Variants in MAP3K10 observed in about 807,000 individuals in gnomAD.
MAP3K10 encodes MKN28 derived nonreceptor_type serine/threonine kinase.
Under a neutral mutation model 75.0 loss-of-function variants are expected in MAP3K10, and 22 were observed. The observed-to-expected ratio is 0.29, with a 90% CI of 0.21 to 0.42. MAP3K10 has a LOEUF of 0.42. Among genes scored for constraint, MAP3K10 ranks in the 10% least tolerant of loss-of-function variants. The pLI is 1.00. For synonymous variants in MAP3K10, 599 were observed against 612.9 expected, an observed-to-expected ratio of 0.98 and a Z score of 0.34; for missense variants, 1,165 against 1,379.8, an observed-to-expected ratio of 0.84 and a Z score of 2.47.
rs1386068412 is a variant in MAP3K10 at position 40,191,978 on chromosome 19, A to C, written c.-54A>C. On this transcript the variant is annotated 5_prime_UTR_variant, in exon 1 of 10. Transcript: ENST00000253055. ...CCGGCCGCCGGGGCCCGCCCTCTGC[A>C]TCCCGCGGGCAGCCTGTGTGAAGCG... 1 of 1,263,282 alleles carries C rather than the reference A, an allele frequency of 7.9e-7. No homozygotes were observed. The highest frequency in any genetic ancestry group is 1.6e-5 in the African/African-American group (1 of 62,734). 78.3% of individuals were successfully genotyped at this position (1,263,282 alleles called of 1,614,324 possible). A position where few individuals can be genotyped will look rare whatever the true frequency, so the allele number is the denominator to read the frequency against.
chr19:40,191,703 C>T lies in MAP3K10; in HGVS notation c.-329C>T, dbSNP rs200824781. ...AACGGGGACTGCCTGCCGCCCTCGCCCTCGTCCCCCACCGGCGGACCCCGG... is the reference window on the plus strand; with the variant it reads ...AACGGGGACTGCCTGCCGCCCTCGCTCTCGTCCCCCACCGGCGGACCCCGG... On this transcript the variant is annotated 5_prime_UTR_variant, in exon 1 of 10. Coordinates refer to ENST00000253055, the MANE Select transcript of MAP3K10 (RefSeq NM_002446.4). The T allele has an allele frequency of 1.3e-5, 3 of 229,354 alleles. No homozygotes were observed. The highest frequency in any genetic ancestry group is 2.3e-5 in the African/African-American group (1 of 44,208). 14.2% of individuals were successfully genotyped at this position (229,354 alleles called of 1,614,324 possible). A position where few individuals can be genotyped will look rare whatever the true frequency, so the allele number is the denominator to read the frequency against.
rs749475788 is a variant in MAP3K10 at position 40,212,957 on chromosome 19, C to T, written c.1705C>T (p.Arg569Trp). The change falls in exon 7 of 10, where the codon CGG (arginine) becomes TGG (tryptophan). Residue 569 changes from arginine (R) to tryptophan (W), a missense_variant. Arg to Trp is a moderately radical substitution (Grantham distance 101). Transcript: ENST00000253055. This position sits in a 1 kb window ranked among gnomAD's most constrained non-coding sequence, Gnocchi z 4.2. ...WGPSSTLQKE[R>W]VGGEERLKGL... Reference sequence around the variant, plus strand: ...GCCCAGCTCCACCCTGCAGAAGGAGCGGGTGGGAGGAGAGGAGAGGTGAGG... The same window carrying T: ...GCCCAGCTCCACCCTGCAGAAGGAGTGGGTGGGAGGAGAGGAGAGGTGAGG... 8.7e-6 allele frequency: 14 copies of T among 1,607,102 alleles called. No homozygotes were observed. Among genetic ancestry groups the T allele is most frequent in the African/African-American group, 4.0e-5 (3 of 74,846 alleles).
Position 40,213,613 on chromosome 19 carries a change from C to A in MAP3K10, c.1934C>A (p.Ser645Tyr). 2 of 1,566,722 alleles carry A rather than the reference C, an allele frequency of 1.3e-6. No individual in the cohort carries two copies. The highest frequency in any genetic ancestry group is 2.5e-5 in the East Asian group (1 of 39,966). ...YLSVPLPAEP[S>Y]PGARAPWEPT... Reference sequence around the variant, plus strand: ...TCAGTGCCACTGCCTGCCGAGCCCTCCCCGGGGGCGCGGGCGCCGTGGGAG... The same window carrying A: ...TCAGTGCCACTGCCTGCCGAGCCCTACCCGGGGGCGCGGGCGCCGTGGGAG... The change falls in exon 9 of 10, where the codon TCC (serine) becomes TAC (tyrosine). Residue 645 changes from serine (S) to tyrosine (Y), a missense_variant. Ser to Tyr is a moderately radical substitution (Grantham distance 144, BLOSUM62 -2). Around this residue, in one of 2 missense-constraint regions of MAP3K10, gnomAD observed 590 missense variants for 586.6 expected, o/e 1.01. Coordinates refer to ENST00000253055, the MANE Select transcript of MAP3K10 (RefSeq NM_002446.4). This position sits in a 1 kb window ranked among gnomAD's most constrained non-coding sequence, Gnocchi z 5.7.
chr19:40,215,048 T>G lies in MAP3K10; in HGVS notation c.2621T>G (p.Phe874Cys). The stretch of plus-strand genomic sequence containing the variant: ...CCAGCCCGCCGCCGGCCCCCTGAGT[T>G]CCCAGGCCGCCCCACCACCCTGACC... ...LFPARRRPPEFPGRPTTLTFA... is the reference protein window; with the variant it reads ...LFPARRRPPECPGRPTTLTFA... Residue 874 changes from phenylalanine to cysteine, a missense_variant, in exon 10 of 10, where the codon TTC (phenylalanine) becomes TGC (cysteine). Physicochemically the swap from Phe to Cys is radical, Grantham distance 205 (BLOSUM62 -2). Coordinates refer to ENST00000253055, the MANE Select transcript of MAP3K10 (RefSeq NM_002446.4). 6.2e-7 allele frequency: 1 copy of G among 1,600,488 alleles called. No individual in the cohort carries two copies. Among genetic ancestry groups the G allele is most frequent in the Non-Finnish European group, 8.5e-7 (1 of 1,173,744 alleles).
rs1374579230 is a variant in MAP3K10 at position 40,192,495 on chromosome 19, C to G, written c.464C>G (p.Pro155Arg). ...CGGCTCTTTGGAGCCCTGCAGCACC[C>G]CAACATAATTGCCCTTAGGGGCGCC... ...EARLFGALQH[P>R]NIIALRGACL... The change falls in exon 1 of 10, where the codon CCC becomes CGC. Residue 155 changes from proline to arginine, a missense_variant. This residue lies in a region of MAP3K10 where 575 missense variants were observed against 793.2 expected (regional missense o/e 0.72). Transcript: ENST00000253055. This position sits in a 1 kb window ranked among gnomAD's most constrained non-coding sequence, Gnocchi z 7.1. 3.7e-6 allele frequency: 6 copies of G among 1,613,808 alleles called. No individual in the cohort carries two copies. Among genetic ancestry groups the G allele is most frequent in the Non-Finnish European group, 5.1e-6 (6 of 1,179,982 alleles).
In MAP3K10 at chr19:40,206,084, G is replaced by A. The variant is rs1433820268; in HGVS notation, c.1362G>A (p.Lys454=). The A allele has an allele frequency of 1.2e-6, 2 of 1,613,462 alleles. No homozygotes were observed. Among genetic ancestry groups the A allele is most frequent in the Admixed American group, 3.3e-5 (2 of 59,994 alleles). ...QLSQEKPRVR[K]RKGNFKRSRL... is the part of the protein sequence containing the mutation. ...GCCAGGAGAAGCCCCGGGTCCGCAA[G>A]CGCAAGGGCAACTTCAAGCGCAGCC... The change falls in exon 5 of 10, where the codon AAG becomes AAA. Residue 454 remains lysine, a synonymous_variant. Coordinates refer to ENST00000253055, the MANE Select transcript of MAP3K10 (RefSeq NM_002446.4).
At position 40,198,352 on chromosome 19, in the gene MAP3K10, C is replaced by G. The variant is rs770729250; in HGVS notation, c.683-23C>G. ...TGCGGCGTGGCAGGTCTGGGGTGACCCACCTTTCTTCCCACCCCACAGTCC... is the reference window on the plus strand; with the variant it reads ...TGCGGCGTGGCAGGTCTGGGGTGACGCACCTTTCTTCCCACCCCACAGTCC... On this transcript the variant is annotated intron_variant, in intron 1 of 9. Transcript: ENST00000253055. This position sits in a 1 kb window ranked among gnomAD's most constrained non-coding sequence, Gnocchi z 4.3. The G allele has an allele frequency of 4.4e-6, 7 of 1,596,900 alleles. No individual in the cohort carries two copies. Among genetic ancestry groups the G allele is most frequent in the Admixed American group, 1.7e-5 (1 of 59,052 alleles).
At position 40,191,871 on chromosome 19, in the gene MAP3K10, G is replaced by A. The variant is rs1972819945; in HGVS notation, c.-161G>A. On this transcript the variant is annotated 5_prime_UTR_variant, in exon 1 of 10. Transcript: ENST00000253055. ...AGGGACGAGCCTGCCCTTTGAAAGG[G>A]TTTTTTTTCTTGCTCCTGCGGAGGG... 4 of 455,840 alleles carry A rather than the reference G, an allele frequency of 8.8e-6. No homozygotes were observed. The South Asian group carries it at 2.0e-4, about 23-fold the overall frequency. 28.2% of individuals were successfully genotyped at this position (455,840 alleles called of 1,614,324 possible). A position where few individuals can be genotyped will look rare whatever the true frequency, so the allele number is the denominator to read the frequency against.
intron 5 of MAP3K10, among the ~76,000 whole-genome samples, chr19:40,208,133 C>T (rs987791717): frequency 6.6e-6 from 1 of 151,954 alleles, no homozygotes; most frequent in Non-Finnish European, 1.5e-5. Flanking sequence ...TTCCAATAAC[C>T]AAATGGAGTA....
intron 2 of MAP3K10, among the ~76,000 whole-genome samples, chr19:40,203,378 T>C (rs1283198778): frequency 6.6e-6 from 1 of 150,650 alleles, no homozygotes; most frequent in Non-Finnish European, 1.5e-5. Context: ...GAGTGGATAG[T>C]GGGGAGACCA....
Position 40,205,730 on chromosome 19 carries a change from C to A in MAP3K10, c.1189-181C>A, listed in dbSNP as rs1973107545. 3.3e-6 allele frequency: 2 copies of A among 614,956 alleles called. No homozygotes were observed. Among genetic ancestry groups the A allele is most frequent in the African/African-American group, 1.9e-5 (1 of 53,888 alleles). The allele number at this position is 614,956 out of a possible 1,614,324, so 38.1% of individuals were successfully genotyped here. A position where few individuals can be genotyped will look rare whatever the true frequency, so the allele number is the denominator to read the frequency against. Reference sequence around the variant, plus strand: ...AAAAGCACCCCTTTCTTTGAGCTAACACAGTTCCCTGCCCTGGCACCCAGC... The same window carrying A: ...AAAAGCACCCCTTTCTTTGAGCTAAAACAGTTCCCTGCCCTGGCACCCAGC... On this transcript the variant is annotated intron_variant, in intron 4 of 9. Transcript: ENST00000253055. This position sits in a 1 kb window ranked among gnomAD's most constrained non-coding sequence, Gnocchi z 4.3.
chr19:40,213,684 C>T lies in MAP3K10; in HGVS notation c.2005C>T (p.Arg669Trp), dbSNP rs935462851. ...CGCTCGGTGGGGACACGGCGCCCGG[C>T]GGCGCTGCGACCTGGCGCTGCTAGG... is the stretch of plus-strand genomic sequence containing the variant. The part of the protein sequence containing the change: ...PPARWGHGAR[R>W]RCDLALLGCA... Residue 669 changes from arginine (R) to tryptophan (W), a missense_variant, in exon 9 of 10, where the codon CGG becomes TGG. Coordinates refer to ENST00000253055, the MANE Select transcript of MAP3K10 (RefSeq NM_002446.4). The surrounding 1 kb of genome is among the most constrained non-coding windows in gnomAD (Gnocchi z 5.7). 1.9e-5 allele frequency: 21 copies of T among 1,100,956 alleles called. No individual in the cohort carries two copies. Among genetic ancestry groups the T allele is most frequent in the African/African-American group, 1.7e-5 (1 of 58,508 alleles). 68.2% of individuals were successfully genotyped at this position (1,100,956 alleles called of 1,614,324 possible).
At chr19:40,209,476 A>G (rs1018673301) in intron 6 of MAP3K10, among the ~76,000 whole-genome samples, 2 of 150,580 alleles carry the variant, frequency 1.3e-5, no homozygotes, top group Non-Finnish European at 2.9e-5. Flanking sequence ...GCAGTGGTGC[A>G]ATCTTAGCTC....
Position 40,192,958 on chromosome 19 carries a change from A to T in MAP3K10, c.682+245A>T, listed in dbSNP as rs1429586832. On this transcript the variant is annotated intron_variant, in intron 1 of 9. Transcript: ENST00000253055. The surrounding 1 kb of genome is among the most constrained non-coding windows in gnomAD (Gnocchi z 7.1). ...GCAGAGTCACAATCGCTCAGTAAAC[A>T]TGTATCCATGAACACCTGCGTTCCC... Among the ~76,000 whole-genome samples, 1 of 152,178 alleles carries T rather than the reference A, an allele frequency of 6.6e-6. No homozygotes were observed. The highest frequency in any genetic ancestry group is 2.4e-5 in the African/African-American group (1 of 41,446).
At position 40,205,052 on chromosome 19, in the gene MAP3K10, G is replaced by A. The variant is rs1326926822; in HGVS notation, c.1013-69G>A. On this transcript the variant is annotated intron_variant, in intron 3 of 9. Transcript: ENST00000253055. This position sits in a 1 kb window ranked among gnomAD's most constrained non-coding sequence, Gnocchi z 4.3. ...AGAAATTCTGCCTTCCTCTGAGCAG[G>A]CTGAGTCCCCAGAGCATGACCACTG... 1 of 1,424,982 alleles carries A rather than the reference G, an allele frequency of 7.0e-7. No individual in the cohort carries two copies. Among genetic ancestry groups the A allele is most frequent in the African/African-American group, 1.4e-5 (1 of 71,410 alleles). 88.3% of individuals were successfully genotyped at this position (1,424,982 alleles called of 1,614,324 possible). A position where few individuals can be genotyped will look rare whatever the true frequency, so the allele number is the denominator to read the frequency against.
chr19:40,195,734 A>T (rs1972893929), intron 1 of MAP3K10, among the ~76,000 whole-genome samples: 1 of 151,954 alleles, frequency 6.6e-6, no homozygotes. Context: ...ACCTCAGGTG[A>T]TCCGCCTGCC....
rs1054201317 is a variant in MAP3K10, at chr19:40,214,320, C to T, written c.2542+99C>T. Reference sequence around the variant, plus strand: ...CCAGCCACGACCCCTCAGGCAGCCACCTCCTGCTTCTTGTGGAGGAGGGAG... The same window carrying T: ...CCAGCCACGACCCCTCAGGCAGCCATCTCCTGCTTCTTGTGGAGGAGGGAG... On this transcript the variant is annotated intron_variant, in intron 9 of 9. Transcript: ENST00000253055. 4.1e-5 allele frequency: 52 copies of T among 1,282,842 alleles called. No homozygotes were observed. In the East Asian group the frequency reaches 1.6e-3, roughly 39 times the overall value. 79.5% of individuals were successfully genotyped at this position (1,282,842 alleles called of 1,614,324 possible).
intron 5 of MAP3K10, among the ~76,000 whole-genome samples, chr19:40,208,381 AGAGACAGGG>A (rs1469608815): frequency 2.5e-5 from 1 of 40,800 alleles, no homozygotes; most frequent in Admixed American, 3.3e-4. Context: ...TATTTTTAGT[AGAGACAGGG>A]TTTCACCGTG....
intron 5 of MAP3K10, chr19:40,206,418 T>A (rs1400902338): frequency 1.4e-5 from 5 of 346,596 alleles, no homozygotes; most frequent in South Asian, 9.9e-5. Flanking sequence ...AAAAAAAAAT[T>A]TTTTTTAATT....
Sources: allele counts gnomAD v4.1 joint callset (sites outside exome capture counted in the v4.1 genomes callset), GRCh38; gene constraint gnomAD v4.1.1; regional missense constraint gnomAD v4.1.1; non-coding constraint Gnocchi (gnomAD v3.1); transcripts MANE v1.5; gene names NCBI Gene and HGNC (gene_info 2026-07-23, HGNC 2026-07-21).